Variants in XKR6 observed in about 807,000 individuals in gnomAD.
The protein encoded by XKR6 is XK-related protein 6.
Under a neutral mutation model 56.7 loss-of-function variants are expected in XKR6, and 22 were observed. The observed-to-expected ratio is 0.39, with a 90% CI of 0.28 to 0.55. XKR6 has a LOEUF of 0.55. Ranked by LOEUF, XKR6 falls within the 20% of genes least tolerant of loss-of-function variation. The pLI, the probability that XKR6 is intolerant of heterozygous loss-of-function variation, is 0.66. For synonymous variants in XKR6, 524 were observed against 387.8 expected (o/e 1.35, Z -4.13); for missense variants, 852 against 889.0 (o/e 0.96, Z 0.53).
chr8:11,011,757 G>C (rs757333421), intron 1 of XKR6, among the ~76,000 whole-genome samples: 1 of 152,206 alleles, frequency 6.6e-6, no homozygotes, highest in African/African-American at 2.4e-5. Flanking sequence ...AGGAGGAAGG[G>C]AACTGGTTGT....
chr8:11,055,958 C>G (rs1032018875), intron 1 of XKR6, among the ~76,000 whole-genome samples: 1 of 152,328 alleles, frequency 6.6e-6, no homozygotes. Flanking sequence ...GTAGCAACAA[C>G]AGGAAGCCTG....
At chr8:11,094,221 G>C (rs760229842) in intron 1 of XKR6, among the ~76,000 whole-genome samples, 2 of 151,866 alleles carry the variant, frequency 1.3e-5, no homozygotes, top group Non-Finnish European at 2.9e-5. Flanking sequence ...GCAGAGCCAA[G>C]TTGCACATGA....
chr8:11,152,224 T>C (rs1801302580), intron 1 of XKR6, among the ~76,000 whole-genome samples: 1 of 152,198 alleles, frequency 6.6e-6, no homozygotes, highest in Non-Finnish European at 1.5e-5. Context: ...ATACAGGCTG[T>C]GGGGAAGTGT....
At chr8:11,191,357 C>T (rs958727240) in intron 1 of XKR6, among the ~76,000 whole-genome samples, 1 of 152,158 alleles carries the variant, frequency 6.6e-6, no homozygotes, top group African/African-American at 2.4e-5. Flanking sequence ...GACACTGATA[C>T]TTTGCTAACA....
At chr8:11,124,321 C>T (rs966072389) in intron 1 of XKR6, 1 of 321,914 alleles carries the variant, frequency 3.1e-6, no homozygotes, top group Non-Finnish European at 6.1e-6. Flanking sequence ...CTACTGGACT[C>T]TTGAGATCAT....
chr8:11,007,522 T>G (rs1798397584), intron 1 of XKR6, among the ~76,000 whole-genome samples: 1 of 152,172 alleles, frequency 6.6e-6, no homozygotes, highest in South Asian at 2.1e-4. Flanking sequence ...TAATGTCGTT[T>G]CCATTCATCT....
chr8:11,018,258 T>C (rs765107748), intron 1 of XKR6, among the ~76,000 whole-genome samples: 3 of 143,666 alleles, frequency 2.1e-5, no homozygotes, highest in Admixed American at 7.4e-5. Context: ...CTGGTTACCA[T>C]AGCGACCTCA....
chr8:11,015,476 C>G (rs1251795387), intron 1 of XKR6, among the ~76,000 whole-genome samples: 1 of 152,094 alleles, frequency 6.6e-6, no homozygotes, highest in Non-Finnish European at 1.5e-5. Context: ...CTAGAAACCA[C>G]CCCCCACCCC....
At chr8:11,141,512 C>T (rs1352377075) in intron 1 of XKR6, among the ~76,000 whole-genome samples, 1 of 152,202 alleles carries the variant, frequency 6.6e-6, no homozygotes, top group East Asian at 1.9e-4. Flanking sequence ...ATGCAAATGA[C>T]CTGCGGTCCT....
At chr8:11,032,712 G>C (rs777720470) in intron 1 of XKR6, among the ~76,000 whole-genome samples, 1 of 152,174 alleles carries the variant, frequency 6.6e-6, no homozygotes, top group African/African-American at 2.4e-5. Context: ...GGCCATTGCA[G>C]ACTGCAGCTA....
chr8:11,154,845 G>A (rs1801437131), intron 1 of XKR6, among the ~76,000 whole-genome samples: 1 of 152,084 alleles, frequency 6.6e-6, no homozygotes, highest in African/African-American at 2.4e-5. Flanking sequence ...TCCATTGACT[G>A]CCTCTACCCT....
intron 1 of XKR6, among the ~76,000 whole-genome samples, chr8:10,972,806 G>T (rs538337410): frequency 6.6e-6 from 1 of 152,338 alleles, no homozygotes; most frequent in African/African-American, 2.4e-5. Flanking sequence ...TTACACAACA[G>T]TGTAGATGTA....
intron 1 of XKR6, among the ~76,000 whole-genome samples, chr8:11,082,575 C>T (rs559717374): frequency 1.2e-4 from 19 of 152,302 alleles, no homozygotes; most frequent in Admixed American, 5.2e-4. Flanking sequence ...TTTGAGGTGG[C>T]GGACCACCTG....
chr8:11,065,314 C>G (rs533052548), intron 1 of XKR6, among the ~76,000 whole-genome samples: 2 of 152,216 alleles, frequency 1.3e-5, no homozygotes, highest in Non-Finnish European at 2.9e-5. Flanking sequence ...TCTTATGGAT[C>G]TTGTCAGTTC....
intron 1 of XKR6, among the ~76,000 whole-genome samples, chr8:10,926,982 C>A (rs7843470): frequency 3.9e-5 from 6 of 152,020 alleles, no homozygotes; most frequent in Admixed American, 2.0e-4. Flanking sequence ...CGGAGAGACA[C>A]AGAAGTAGGA....
chr8:10,944,891 G>A lies in XKR6; in HGVS notation c.765-20061C>T, dbSNP rs570050886. Among the ~76,000 whole-genome samples the A allele has an allele frequency of 2.6e-4, 40 of 152,294 alleles. No individual in the cohort carries two copies. The South Asian group carries it at 5.6e-3, about 21-fold the overall frequency. On this transcript the variant is annotated intron_variant, in intron 1 of 2. Coordinates refer to ENST00000416569, the MANE Select transcript of XKR6 (RefSeq NM_173683.4). ...AACAATGGTGGTGGGCTCAGGGTGC[G>A]TGTCTGAGAACGCAGGGATGAAATG...
chr8:10,951,813 GGC>G (rs1422470592), intron 1 of XKR6, among the ~76,000 whole-genome samples: 2 of 152,128 alleles, frequency 1.3e-5, no homozygotes, highest in African/African-American at 2.4e-5. Context: ...CTCCTGACCT[GGC>G]CTGAGCTGGG....
intron 1 of XKR6, among the ~76,000 whole-genome samples, chr8:11,071,556 C>CCCCGAGTCT (rs1800119921): frequency 9.1e-6 from 1 of 109,660 alleles, no homozygotes; most frequent in African/African-American, 4.1e-5. Context: ...GCCCCGAGTC[C>CCCCGAGTCT]ATGAGCCCCG....
chr8:11,073,068 G>T (rs1211952673), intron 1 of XKR6, among the ~76,000 whole-genome samples: 1 of 152,068 alleles, frequency 6.6e-6, no homozygotes, highest in Admixed American at 6.6e-5. Context: ...ACAAAAAGTT[G>T]CCCCCACATG....
Sources: gnomAD v4.1 joint callset for allele counts (sites outside exome capture counted in the v4.1 genomes callset) on GRCh38, gnomAD v4.1.1 for gene constraint, MANE v1.5 for transcripts, NCBI Gene and HGNC (gene_info 2026-07-23, HGNC 2026-07-21) for gene names.